C14orf93: variants seen among roughly 807,000 people sequenced by gnomAD.
The protein encoded by C14orf93 is chromosome 14 open reading frame 93.
Under a neutral mutation model 44.0 loss-of-function variants are expected in C14orf93, and 23 were observed. That is an observed-to-expected ratio of 0.52 (90% CI 0.38 to 0.74). The LOEUF is 0.74. Ranked by LOEUF, C14orf93 falls within the 30% of genes least tolerant of loss-of-function variation. The pLI is 0.00. For synonymous variants in C14orf93, 253 were observed against 265.7 expected, an observed-to-expected ratio of 0.95 and a Z score of 0.46; for missense variants, 579 against 678.9, an observed-to-expected ratio of 0.85 and a Z score of 1.64.
At chr14:22,991,435 G>C (rs1037000825) in intron 3 of C14orf93, among the ~76,000 whole-genome samples, 5 of 148,514 alleles carry the variant, frequency 3.4e-5, no homozygotes, top group African/African-American at 1.2e-4. Context: ...AGTAGAGATG[G>C]GGTTTCACCA....
chr14:22,988,664 C>T (rs892209432), intron 5 of C14orf93, among the ~76,000 whole-genome samples: 1 of 152,082 alleles, frequency 6.6e-6, no homozygotes, highest in Non-Finnish European at 1.5e-5. Context: ...TCACCATGGC[C>T]GGCTAATTGG....
At chr14:23,008,865 C>T (rs1187080250) in intron 1 of C14orf93, among the ~76,000 whole-genome samples, 1 of 152,226 alleles carries the variant, frequency 6.6e-6, no homozygotes, top group Non-Finnish European at 1.5e-5. Context: ...CTTGGCTCCC[C>T]ATCACCATCA....
At position 22,996,569 on chromosome 14, in the gene C14orf93, G is replaced by C. The variant is rs112459920; in HGVS notation, c.598-301C>G. ...ATAGCTCTTGGATATAAGAAATGGA[G>C]CTAGATAAGTGTTTTGTCTGAAAGG... On this transcript the variant is annotated intron_variant, in intron 2 of 6. Coordinates refer to ENST00000299088, the MANE Select transcript of C14orf93 (RefSeq NM_021944.4). The surrounding 1 kb of genome is among the most constrained non-coding windows in gnomAD (Gnocchi z 4.1). Among the ~76,000 whole-genome samples, 26 of 152,320 alleles carry C rather than the reference G, an allele frequency of 1.7e-4. No homozygotes were observed. Among genetic ancestry groups the C allele is most frequent in the African/African-American group, 5.1e-4 (21 of 41,574 alleles).
chr14:23,003,892 ATATATATTTTTTTTTTTT>A (rs2046470114), intron 1 of C14orf93, among the ~76,000 whole-genome samples: 1 of 14,452 alleles, frequency 6.9e-5, no homozygotes, highest in Admixed American at 1.3e-3. Flanking sequence ...ATATATATAT[ATATATATTTTTTTTTTTT>A]TTTTTTTTTT....
chr14:23,001,413 TTTACCCCTACCAGTGTTGAGCC>T (rs1308205889), intron 1 of C14orf93, among the ~76,000 whole-genome samples: 1 of 152,200 alleles, frequency 6.6e-6, no homozygotes, highest in Non-Finnish European at 1.5e-5. Context: ...GCAAGAGGCT[TTTACCCCTACCAGTGTTGAGCC>T]TGCCTCAAGC....
At chr14:22,998,297 G>T in intron 2 of C14orf93, 130 bp downstream of exon 2, 1 of 1,247,828 alleles carries the variant, frequency 8.0e-7, no homozygotes, top group Non-Finnish European at 1.1e-6. Context: ...AAAAGGAAAC[G>T]TGGTACTGTT....
intron 5 of C14orf93, among the ~76,000 whole-genome samples, chr14:22,989,033 T>G (rs900836889): frequency 8.6e-5 from 13 of 152,010 alleles, no homozygotes; most frequent in African/African-American, 3.1e-4. Flanking sequence ...CACAGTGGAG[T>G]TCAGTGACAC....
At chr14:22,993,171 C>T (rs2045767414) in intron 3 of C14orf93, among the ~76,000 whole-genome samples, 1 of 152,222 alleles carries the variant, frequency 6.6e-6, no homozygotes, top group South Asian at 2.1e-4. Flanking sequence ...TGAGCCACCG[C>T]ACCCGGCCCT....
At chr14:23,008,696 G>T (rs930359587) in intron 1 of C14orf93, among the ~76,000 whole-genome samples, 2 of 152,110 alleles carry the variant, frequency 1.3e-5, no homozygotes, top group East Asian at 3.8e-4. Context: ...GTGAAAATAG[G>T]GCTCCTATAA....
chr14:23,003,890 ATATATATATTTTTTTTTTTTTTTT>A (rs2046467658), intron 1 of C14orf93, among the ~76,000 whole-genome samples: 2 of 15,514 alleles, frequency 1.3e-4, no homozygotes, highest in Non-Finnish European at 2.0e-4. Context: ...ATATATATAT[ATATATATATTTTTTTTTTTTTTTT>A]TTTTTTTTTT....
intron 1 of C14orf93, among the ~76,000 whole-genome samples, 168 bp from the exon 2 acceptor site, chr14:22,999,570 A>G (rs1156412165): frequency 2.0e-5 from 3 of 152,222 alleles, no homozygotes; most frequent in East Asian, 3.8e-4. Flanking sequence ...ACTAGGAAAC[A>G]TATTACTCCA....
In C14orf93 at chr14:22,986,088, C is replaced by G. The variant is rs560461869; in HGVS notation, c.*1127G>C. ...TAGAACTGGACCTTGTCTGTACTCT[C>G]TCTTGCCCCTGGACTTTTGTACCTG... On this transcript the variant is annotated 3_prime_UTR_variant, in exon 7 of 7. Coordinates refer to ENST00000299088, the MANE Select transcript of C14orf93 (RefSeq NM_021944.4). 6.6e-6 allele frequency: 1 copy of G among 152,406 alleles called. No individual in the cohort carries two copies. The highest frequency in any genetic ancestry group is 2.1e-4 in the South Asian group (1 of 4,832). 9.4% of individuals were successfully genotyped at this position (152,406 alleles called of 1,614,324 possible).
At chr14:22,992,047 T>C (rs928490184) in intron 3 of C14orf93, among the ~76,000 whole-genome samples, 1 of 152,204 alleles carries the variant, frequency 6.6e-6, no homozygotes, top group African/African-American at 2.4e-5. Context: ...GAGGCTATAT[T>C]ATATTACCCA....
chr14:23,005,785 A>G (rs1472205095), intron 1 of C14orf93: 2 of 152,220 alleles, frequency 1.3e-5, no homozygotes, highest in Non-Finnish European at 2.9e-5. Flanking sequence ...TATTTAGATA[A>G]AAAAGAAAGA....
chr14:22,990,504 C>T (rs2045537172), intron 3 of C14orf93, among the ~76,000 whole-genome samples: 1 of 150,608 alleles, frequency 6.6e-6, no homozygotes, highest in East Asian at 2.0e-4. Context: ...GAGTCTTGCT[C>T]TGTCGCCCAG....
Position 22,987,141 on chromosome 14 carries a change from TG to T in C14orf93, c.*73del. Reference sequence around the variant, plus strand: ...GACTGCACAGAGCATCTCATTATTTTGTGAAGCCCCATGGCCACCTATTTCT... The same window carrying T: ...GACTGCACAGAGCATCTCATTATTTTTGAAGCCCCATGGCCACCTATTTCT... On this transcript the variant is annotated 3_prime_UTR_variant, in exon 7 of 7. Transcript: ENST00000299088. This position sits in a 1 kb window ranked among gnomAD's most constrained non-coding sequence, Gnocchi z 5.6. 1 of 1,436,296 alleles carries T rather than the reference TG, an allele frequency of 7.0e-7. No individual in the cohort carries two copies. 89.0% of individuals were successfully genotyped at this position (1,436,296 alleles called of 1,614,324 possible). A position where few individuals can be genotyped will look rare whatever the true frequency, so the allele number is the denominator to read the frequency against.
At chr14:22,995,518 G>A (rs2045914076) in intron 3 of C14orf93, among the ~76,000 whole-genome samples, 1 of 151,830 alleles carries the variant, frequency 6.6e-6, no homozygotes. Flanking sequence ...GGTCTCTACT[G>A]AAAATTCAAA....
At chr14:23,003,557 G>A (rs1321517064) in intron 1 of C14orf93, among the ~76,000 whole-genome samples, 2 of 152,070 alleles carry the variant, frequency 1.3e-5, no homozygotes, top group East Asian at 1.9e-4. Flanking sequence ...GGGAGGCTGA[G>A]GTGGGCGGGT....
intron 5 of C14orf93, among the ~76,000 whole-genome samples, chr14:22,988,293 C>G (rs2045366921): frequency 6.6e-6 from 1 of 152,096 alleles, no homozygotes; most frequent in Non-Finnish European, 1.5e-5. Context: ...GCCACCACAT[C>G]CAGCTCTTTT....
Sources: gnomAD v4.1 joint callset for allele counts (sites outside exome capture counted in the v4.1 genomes callset) on GRCh38, gnomAD v4.1.1 for gene constraint, Gnocchi (gnomAD v3.1) non-coding constraint, MANE v1.5 for transcripts, NCBI Gene and HGNC (gene_info 2026-07-23, HGNC 2026-07-21) for gene names.